ANKS1B: variants seen among roughly 807,000 people sequenced by gnomAD.
The protein encoded by ANKS1B is ankyrin repeat and sterile alpha motif domain-containing protein 1B.
A neutral mutation model predicts 148.3 loss-of-function variants in ANKS1B; 36 were observed. The ratio of observed to expected loss-of-function variants is 0.24; its 90% confidence interval spans 0.19 to 0.32. The LOEUF (loss-of-function observed/expected upper bound fraction) is 0.32, where lower values mean the gene tolerates loss of function less well. Among genes scored for constraint, ANKS1B ranks in the 10% least tolerant of loss-of-function variants. The pLI, the probability that ANKS1B is intolerant of heterozygous loss-of-function variation, is 1.00. For synonymous variants in ANKS1B, 542 were observed against 560.8 expected (o/e 0.97, Z 0.47); for missense variants, 1,157 against 1,542.6 (o/e 0.75, Z 4.19).
intron 1 of ANKS1B, among the ~76,000 whole-genome samples, chr12:99,855,635 T>C (rs551519610): frequency 6.6e-6 from 1 of 152,254 alleles, no homozygotes; most frequent in South Asian, 2.1e-4. Context: ...ACATGGAACA[T>C]TCTCCAAGAT....
At chr12:98,794,610 AG>A in intron 22 of ANKS1B, 2 of 803,686 alleles carry the variant, frequency 2.5e-6, no homozygotes, top group South Asian at 1.3e-5. Flanking sequence ...AACTTTAAAA[AG>A]AAGTGCGATC....
intron 17 of ANKS1B, among the ~76,000 whole-genome samples, chr12:98,993,063 T>C (rs1474260860): frequency 6.6e-6 from 1 of 152,272 alleles, no homozygotes; most frequent in Non-Finnish European, 1.5e-5. Flanking sequence ...CTCTTCTTTA[T>C]ATATTTAAAG....
chr12:99,479,999 C>T (rs901823123), intron 10 of ANKS1B, among the ~76,000 whole-genome samples: 1 of 151,080 alleles, frequency 6.6e-6, no homozygotes. Flanking sequence ...ACACTGTATC[C>T]CATAAATATA....
chr12:99,143,619 G>A (rs2071823242), intron 15 of ANKS1B, among the ~76,000 whole-genome samples: 1 of 152,086 alleles, frequency 6.6e-6, no homozygotes, highest in South Asian at 2.1e-4. Context: ...GCTACTGTTT[G>A]ATGTGGTGTC....
chr12:99,080,710 A>T (rs770013501), intron 16 of ANKS1B, among the ~76,000 whole-genome samples: 2 of 152,230 alleles, frequency 1.3e-5, no homozygotes, highest in Non-Finnish European at 2.9e-5. Flanking sequence ...TTAGAGGATT[A>T]TCCAAAGACT....
chr12:99,605,783 C>G (rs1001040183), intron 9 of ANKS1B, among the ~76,000 whole-genome samples: 10 of 152,080 alleles, frequency 6.6e-5, no homozygotes, highest in Admixed American at 6.6e-5. Context: ...GTGAATACTG[C>G]TATAATAAGC....
At chr12:98,761,225 C>T (rs2098399193) in intron 25 of ANKS1B, among the ~76,000 whole-genome samples, 1 of 152,214 alleles carries the variant, frequency 6.6e-6, no homozygotes, top group African/African-American at 2.4e-5. Flanking sequence ...TCTTCTGTGC[C>T]TATTTCATTG....
intron 17 of ANKS1B, among the ~76,000 whole-genome samples, chr12:98,958,386 A>G (rs2099865912): frequency 6.6e-6 from 1 of 152,208 alleles, no homozygotes; most frequent in South Asian, 2.1e-4. Flanking sequence ...GGCTAAATGG[A>G]TATCTGATAC....
chr12:98,899,109 T>C (rs1297164809), intron 17 of ANKS1B, among the ~76,000 whole-genome samples: 1 of 152,114 alleles, frequency 6.6e-6, no homozygotes, highest in African/African-American at 2.4e-5. Flanking sequence ...ATTTTAAGAG[T>C]TTATTCATTT....
At chr12:98,736,932 T>C (rs2097776499) in intron 9 of ANKS1B, among the ~76,000 whole-genome samples, 1 of 152,164 alleles carries the variant, frequency 6.6e-6, no homozygotes, top group African/African-American at 2.4e-5. Flanking sequence ...GTAAATACAT[T>C]TGAGTTGTTG....
At chr12:99,197,669 T>G (rs556365329) in intron 14 of ANKS1B, among the ~76,000 whole-genome samples, 2 of 152,256 alleles carry the variant, frequency 1.3e-5, no homozygotes, top group East Asian at 3.9e-4. Flanking sequence ...CATCCACCAT[T>G]GCTGGCTTTA....
chr12:98,831,988 AG>A, intron 18 of ANKS1B, 40 bp downstream of exon 18: 1 of 1,516,578 alleles, frequency 6.6e-7, no homozygotes, highest in Non-Finnish European at 9.0e-7. Flanking sequence ...ATAGTTCTTA[AG>A]ATAAGGGCAG....
intron 12 of ANKS1B, chr12:99,386,410 A>T (rs910379663): frequency 6.6e-6 from 1 of 152,160 alleles, no homozygotes; most frequent in African/African-American, 2.4e-5. Flanking sequence ...CCAGGCCCTA[A>T]TACAAGATTC....
intron 10 of ANKS1B, among the ~76,000 whole-genome samples, chr12:99,486,498 T>A (rs1255900960): frequency 6.8e-6 from 1 of 147,824 alleles, no homozygotes; most frequent in East Asian, 2.0e-4. Flanking sequence ...TTATTTATTT[T>A]TCCCCAGTAT....
At chr12:99,684,137 G>C (rs1232615477) in intron 8 of ANKS1B, among the ~76,000 whole-genome samples, 1 of 151,910 alleles carries the variant, frequency 6.6e-6, no homozygotes, top group Non-Finnish European at 1.5e-5. Flanking sequence ...CAGAAATAAA[G>C]GGTATCCAAC....
intron 2 of ANKS1B, 55 bp downstream of exon 2, chr12:99,825,254 A>G (rs965085462): frequency 2.1e-6 from 3 of 1,426,824 alleles, no homozygotes; most frequent in Non-Finnish European, 2.9e-6. Flanking sequence ...GACATAATTA[A>G]CTTCATCACA....
intron 12 of ANKS1B, among the ~76,000 whole-genome samples, chr12:99,338,737 G>A (rs2089405815): frequency 1.3e-5 from 2 of 152,144 alleles, no homozygotes; most frequent in Non-Finnish European, 2.9e-5. Context: ...TAGCCAGCAG[G>A]TGATGAATCT....
At chr12:99,854,512 G>C (rs2088636997) in intron 1 of ANKS1B, among the ~76,000 whole-genome samples, 1 of 152,154 alleles carries the variant, frequency 6.6e-6, no homozygotes, top group Non-Finnish European at 1.5e-5. Flanking sequence ...AGCCTTTCTA[G>C]AGATCTAGAC....
intron 1 of ANKS1B, among the ~76,000 whole-genome samples, chr12:99,968,269 G>C (rs972500881): frequency 1.5e-4 from 23 of 152,008 alleles, no homozygotes; most frequent in Non-Finnish European, 3.1e-4. Flanking sequence ...CATAAATGAG[G>C]GCTGTGGGCT....
Sources: gnomAD v4.1 joint callset for allele counts (sites outside exome capture counted in the v4.1 genomes callset) on GRCh38, gnomAD v4.1.1 for gene constraint, MANE v1.5 for transcripts, NCBI Gene and HGNC (gene_info 2026-07-23, HGNC 2026-07-21) for gene names.